The following CLN3 variants were observed in gnomAD, a reference collection of about 807,000 sequenced individuals.
CLN3 encodes the protein CLN3 lysosomal/endosomal transmembrane protein, battenin.
Under a neutral mutation model 60.7 loss-of-function variants are expected in CLN3, and 49 were observed. That is an observed-to-expected ratio of 0.81 (90% CI 0.64 to 1.02). CLN3 has a LOEUF of 1.02. CLN3 is among the 50% of genes least tolerant of loss of function. The probability of loss-of-function intolerance (pLI) is 0.00; values close to 1 mark genes in which losing one functional copy is unlikely to be tolerated. For missense variants in CLN3, 516 were observed against 557.4 expected, an observed-to-expected ratio of 0.93 and a Z score of 0.75; for synonymous variants, 256 against 245.8, an observed-to-expected ratio of 1.04 and a Z score of -0.39.
downstream of CLN3, chr16:28,475,775 G>C (rs1392612660): frequency 1.3e-5 from 2 of 152,096 alleles, no homozygotes; most frequent in Non-Finnish European, 2.9e-5. Flanking sequence ...TTAAAGGTTA[G>C]TTGCTTTAAT....
chr16:28,482,454 C>T, intron 12 of CLN3, 23 bp downstream of exon 12: 2 of 1,614,030 alleles, frequency 1.2e-6, no homozygotes, highest in African/African-American at 1.3e-5. Context: ...ACCTCCACAC[C>T]CCTCCTAGCA....
At chr16:28,475,763 T>C (rs2045987053), downstream of CLN3, 2 of 152,350 alleles carry the variant, frequency 1.3e-5, no homozygotes, top group East Asian at 3.9e-4. Context: ...ACTGAATGTA[T>C]ATTAAAGGTT....
chr16:28,483,192 G>A (rs1326596544), intron 10 of CLN3, among the ~76,000 whole-genome samples: 1 of 152,050 alleles, frequency 6.6e-6, no homozygotes, highest in East Asian at 1.9e-4. Flanking sequence ...AAGCTAACCA[G>A]GTGAGACCTC....
At chr16:28,478,980 C>A (rs535114042) in intron 14 of CLN3, among the ~76,000 whole-genome samples, 1 of 152,162 alleles carries the variant, frequency 6.6e-6, no homozygotes, top group African/African-American at 2.4e-5. Context: ...TCGCTGCCCC[C>A]CTGCCTCAGC....
In CLN3 at chr16:28,487,539, G is replaced by A. The variant is rs2141714590; in HGVS notation, c.377C>T (p.Pro126Leu). ...ACAAATCCCACTGACGAGAACCCGG[G>A]GGCTGAGGGGGTGAGAAGGGAAGGG... ...PLGLHLLPYS[P>L]RVLVSGICAA... is the part of the protein sequence containing the mutation. Residue 126 changes from proline (P) to leucine (L), a missense_variant and splice_region_variant, in exon 7 of 16, where the codon CCC (proline) becomes CTC (leucine). Coordinates refer to ENST00000636147, the MANE Select transcript of CLN3 (RefSeq NM_001042432.2). 6.2e-7 allele frequency: 1 copy of A among 1,613,708 alleles called. No individual in the cohort carries two copies. The highest frequency in any genetic ancestry group is 1.7e-4 in the Middle Eastern group (1 of 6,060).
intron 6 of CLN3, 51 bp downstream of exon 6, chr16:28,487,611 T>C (rs768879129): frequency 6.3e-7 from 1 of 1,597,636 alleles, no homozygotes; most frequent in South Asian, 1.1e-5. Flanking sequence ...CATCCCAGCC[T>C]CCCCTTTCTC....
downstream of CLN3, chr16:28,475,345 A>C (rs1485916360): frequency 6.6e-6 from 1 of 152,306 alleles, no homozygotes; most frequent in African/African-American, 2.4e-5. Context: ...GGCAGGAGTC[A>C]TATCATAGCA....
At chr16:28,481,536 A>C (rs1032709605) in intron 14 of CLN3, among the ~76,000 whole-genome samples, 1 of 151,990 alleles carries the variant, frequency 6.6e-6, no homozygotes, top group South Asian at 2.1e-4. Context: ...ACCCTGAAAA[A>C]TAGGTATTGG....
At chr16:28,479,853 G>T (rs887485205) in intron 14 of CLN3, 3 of 159,850 alleles carry the variant, frequency 1.9e-5, no homozygotes, top group African/African-American at 7.2e-5. Context: ...GTATCTACAA[G>T]CACCCTGAGT....
At position 28,477,755 on chromosome 16, in the gene CLN3, G is replaced by A. The variant is rs755948129; in HGVS notation, c.1179C>T (p.Phe393=). 4 of 1,614,244 alleles carry A rather than the reference G, an allele frequency of 2.5e-6. No homozygotes were observed. The South Asian group carries it at 4.4e-5, about 18-fold the overall frequency. The part of the protein sequence containing the change: ...LLGGAAYVNT[F]HNIALETSDE... ...TGCTGACCTCCAGGGCGATGTTGTG[G>A]AAGGTGTTCACGTAGGCTGCGCCTC... The change falls in exon 15 of 16, where the codon TTC becomes TTT. Residue 393 remains phenylalanine, a synonymous_variant. Transcript: ENST00000636147.
chr16:28,488,286 C>A, intron 5 of CLN3: 1 of 163,118 alleles, frequency 6.1e-6, no homozygotes, highest in Non-Finnish European at 1.3e-5. Context: ...AGTGATCCAT[C>A]CGCCTCAGCC....
rs137858807 is a variant in CLN3, at chr16:28,484,020, G to A, written c.776C>T (p.Pro259Leu). The change falls in exon 10 of 16, where the codon CCG becomes CTG. Residue 259 changes from proline to leucine, a missense_variant. Physicochemically the swap from Pro to Leu is moderately conservative, Grantham distance 98. Coordinates refer to ENST00000636147, the MANE Select transcript of CLN3 (RefSeq NM_001042432.2). The part of the protein sequence containing the change: ...ARQPLIRTEA[P>L]ESKPGSSSSL... ...GTGTCTCCTACCTGGCTTCGACTCC[G>A]GGGCCTCGGTTCTTATGAGGGGCTG... is the stretch of plus-strand genomic sequence containing the variant. 6.4e-5 allele frequency: 103 copies of A among 1,609,192 alleles called. No individual in the cohort carries two copies. The African/African-American group carries it at 1.0e-3, about 16-fold the overall frequency.
rs764999720 is a variant in CLN3, at chr16:28,477,640, G to A, written c.1198-5C>T. ...CTCCCGGTGCTCATCACTGGTCTGGGAGGGCAGAGAGCAGGGGTGAGGCTT... is the reference window on the plus strand; with the variant it reads ...CTCCCGGTGCTCATCACTGGTCTGGAAGGGCAGAGAGCAGGGGTGAGGCTT... On this transcript the variant is annotated splice_polypyrimidine_tract_variant and splice_region_variant and intron_variant, in intron 15 of 15. Coordinates refer to ENST00000636147, the MANE Select transcript of CLN3 (RefSeq NM_001042432.2). 2.2e-5 allele frequency: 36 copies of A among 1,613,960 alleles called. No individual in the cohort carries two copies. The East Asian group carries it at 6.9e-4, about 31-fold the overall frequency.
At chr16:28,484,390 C>T (rs944020527) in intron 9 of CLN3, 7 of 434,796 alleles carry the variant, frequency 1.6e-5, no homozygotes, top group African/African-American at 1.2e-4. Flanking sequence ...TCTCCAGCAT[C>T]CAGGCTGGAA....
chr16:28,475,462 CTG>C (rs1041733030), downstream of CLN3: 1 of 152,334 alleles, frequency 6.6e-6, no homozygotes, highest in Non-Finnish European at 1.5e-5. Flanking sequence ...GATCAGGAAA[CTG>C]AGGTGCAGAG....
At chr16:28,471,751 G>A (rs1484019659), downstream of CLN3, among the ~76,000 whole-genome samples, 3 of 140,942 alleles carry the variant, frequency 2.1e-5, no homozygotes, top group East Asian at 2.0e-4. Flanking sequence ...TTTAACATCC[G>A]AAACCGAGTG....
Position 28,491,737 on chromosome 16 carries a change from C to T in CLN3, c.23G>A (p.Arg8Gln). MGGCAGS[R>Q]RRFSDSEGEE... ...ACCCTCGGAATCCGAAAAGCGCCGCCGCGAGCCTGCACAGCCTCCCATCGC... is the reference window on the plus strand; with the variant it reads ...ACCCTCGGAATCCGAAAAGCGCCGCTGCGAGCCTGCACAGCCTCCCATCGC... The change falls in exon 2 of 16, where the codon CGG (arginine) becomes CAG (glutamine). Residue 8 changes from arginine (R) to glutamine (Q), a missense_variant. Arg to Gln is a conservative substitution (Grantham distance 43). Transcript: ENST00000636147. 1.9e-6 allele frequency: 3 copies of T among 1,613,936 alleles called. No homozygotes were observed. The highest frequency in any genetic ancestry group is 2.5e-6 in the Non-Finnish European group (3 of 1,180,004).
intron 3 of CLN3, among the ~76,000 whole-genome samples, chr16:28,490,111 T>C (rs957717248): frequency 3.3e-5 from 5 of 149,578 alleles, no homozygotes; most frequent in Admixed American, 3.3e-4. Flanking sequence ...GGAGAGGCCT[T>C]GGAGGCTGGA....
Position 28,477,505 on chromosome 16 carries a change from G to T in CLN3, c.*11C>A. 1 of 1,612,750 alleles carries T rather than the reference G, an allele frequency of 6.2e-7. No individual in the cohort carries two copies. Among genetic ancestry groups the T allele is most frequent in the Non-Finnish European group, 8.5e-7 (1 of 1,180,004 alleles). ...AGGTGAATGTGACCTGCGTCCTGAG[G>T]ATCCCGAGTATCAGGAGAGCTGGCA... On this transcript the variant is annotated 3_prime_UTR_variant, in exon 16 of 16. Transcript: ENST00000636147.
Sources: allele counts gnomAD v4.1 joint callset (sites outside exome capture counted in the v4.1 genomes callset), GRCh38; gene constraint gnomAD v4.1.1; transcripts MANE v1.5; gene names NCBI Gene and HGNC (gene_info 2026-07-23, HGNC 2026-07-21).